The following PCNX1 variants were observed in gnomAD, a reference collection of about 807,000 sequenced individuals.
The protein encoded by PCNX1 is pecanex 1.
In PCNX1, 78 loss-of-function variants were observed where a neutral mutation model predicts 242.2. That is an observed-to-expected ratio of 0.32 (90% CI 0.27 to 0.39). The LOEUF is 0.39. Among genes scored for constraint, PCNX1 ranks in the 10% least tolerant of loss-of-function variants. PCNX1 has a pLI of 1.00. For synonymous variants in PCNX1, 1,024 were observed against 1,032.9 expected, an observed-to-expected ratio of 0.99 and a Z score of 0.17; for missense variants, 2,581 against 2,856.5, an observed-to-expected ratio of 0.90 and a Z score of 2.20.
intron 28 of PCNX1, chr14:71,085,854 T>C (rs2061975345): frequency 3.1e-6 from 1 of 321,854 alleles, no homozygotes; most frequent in Non-Finnish European, 6.2e-6. Flanking sequence ...AGGATCAGAG[T>C]AGTTATTCTG....
In PCNX1 at chr14:70,967,949, C is replaced by T. The variant is rs554702899; in HGVS notation, c.469-249C>T. Among the ~76,000 whole-genome samples, 333 of 152,204 alleles carry T rather than the reference C, an allele frequency of 2.2e-3. 1 individual carries two copies. The highest frequency in any genetic ancestry group is 7.8e-3 in the African/African-American group (323 of 41,546). The stretch of plus-strand genomic sequence containing the variant: ...GGAGGATCTGGCTCTGGGGGGGCTC[C>T]GTCAGTCCTGAGCATGCAGAGGGAT... On this transcript the variant is annotated intron_variant, in intron 3 of 35. Coordinates refer to ENST00000304743, the MANE Select transcript of PCNX1 (RefSeq NM_014982.3).
chr14:70,994,396 G>GATATATATATATGTATATATATATAT (rs2059267360), intron 7 of PCNX1, among the ~76,000 whole-genome samples: 29 of 96,970 alleles, frequency 3.0e-4, no homozygotes, highest in Non-Finnish European at 4.8e-4. Context: ...ACAGGCTTAA[G>GATATATATATATGTATATATATATAT]ATATATATAT....
chr14:70,936,961 C>T (rs2057030252), intron 1 of PCNX1, among the ~76,000 whole-genome samples: 1 of 152,046 alleles, frequency 6.6e-6, no homozygotes. Flanking sequence ...TATCCTTTGC[C>T]CACTTTTTGA....
intron 25 of PCNX1, among the ~76,000 whole-genome samples, chr14:71,057,136 C>CT (rs371840740): frequency 0.012 from 1,764 of 152,158 alleles, 12 homozygotes; most frequent in Middle Eastern, 0.024. Context: ...ACTAAATAGT[C>CT]TTTTGTTCTT....
intron 16 of PCNX1, among the ~76,000 whole-genome samples, chr14:71,030,971 A>G (rs1029339602): frequency 1.3e-5 from 2 of 152,156 alleles, no homozygotes; most frequent in Non-Finnish European, 1.5e-5. Context: ...GTTTAACAAC[A>G]TTATTAAAGA....
At chr14:70,952,495 G>A (rs976518523) in intron 2 of PCNX1, among the ~76,000 whole-genome samples, 2 of 151,832 alleles carry the variant, frequency 1.3e-5, no homozygotes, top group Non-Finnish European at 2.9e-5. Context: ...CACACTCTTC[G>A]TAGATATTCC....
chr14:71,070,079 G>A (rs2061552477), intron 26 of PCNX1, among the ~76,000 whole-genome samples: 1 of 152,242 alleles, frequency 6.6e-6, no homozygotes, highest in Non-Finnish European at 1.5e-5. Flanking sequence ...TCTTCACTTA[G>A]GAGTCAATTT....
At chr14:70,924,014 T>C (rs1466624367) in intron 1 of PCNX1, among the ~76,000 whole-genome samples, 2 of 152,124 alleles carry the variant, frequency 1.3e-5, no homozygotes, top group Non-Finnish European at 2.9e-5. Flanking sequence ...GCAGATTGCT[T>C]GAGTCCAGGA....
chr14:71,107,533 G>C (rs1326314116), intron 33 of PCNX1, among the ~76,000 whole-genome samples: 1 of 152,054 alleles, frequency 6.6e-6, no homozygotes, highest in Admixed American at 6.5e-5. Context: ...AAAAGTACAT[G>C]TAGCTATGTT....
chr14:71,039,050 C>T (rs1239228530), intron 19 of PCNX1, among the ~76,000 whole-genome samples: 4 of 151,272 alleles, frequency 2.6e-5, no homozygotes, highest in African/African-American at 7.3e-5. Context: ...GGAAGGGGAA[C>T]ATCACACTCT....
At chr14:71,082,502 G>A (rs1048688069) in intron 28 of PCNX1, among the ~76,000 whole-genome samples, 1 of 152,116 alleles carries the variant, frequency 6.6e-6, no homozygotes, top group Non-Finnish European at 1.5e-5. Flanking sequence ...TCTGTTTGTA[G>A]GTCTCTAAGG....
chr14:70,994,392 T>G (rs1244512056), intron 7 of PCNX1, among the ~76,000 whole-genome samples: 3 of 110,590 alleles, frequency 2.7e-5, no homozygotes, highest in African/African-American at 1.0e-4. Flanking sequence ...AACCACAGGC[T>G]TAAGATATAT....
At chr14:70,979,822 G>T (rs551559590) in intron 6 of PCNX1, among the ~76,000 whole-genome samples, 3 of 152,174 alleles carry the variant, frequency 2.0e-5, no homozygotes, top group South Asian at 4.1e-4. Flanking sequence ...GGAACGTAAA[G>T]AAATTTTCTA....
At chr14:71,022,852 A>G (rs2060141529) in intron 12 of PCNX1, among the ~76,000 whole-genome samples, 1 of 152,246 alleles carries the variant, frequency 6.6e-6, no homozygotes, top group Admixed American at 6.5e-5. Flanking sequence ...GAGAAATACT[A>G]TACTTGTATT....
chr14:70,992,575 A>G (rs955777512), intron 7 of PCNX1, among the ~76,000 whole-genome samples: 1 of 152,228 alleles, frequency 6.6e-6, no homozygotes, highest in African/African-American at 2.4e-5. Context: ...GAATGTGTCA[A>G]GTGCCAATTA....
At chr14:70,915,400 C>T (rs915699518) in intron 1 of PCNX1, among the ~76,000 whole-genome samples, 2 of 152,114 alleles carry the variant, frequency 1.3e-5, no homozygotes, top group Admixed American at 6.6e-5. Flanking sequence ...AAAGAAAATA[C>T]AGCCATTGGT....
At chr14:71,068,606 G>GTGTGTGTGTA (rs1358621900) in intron 26 of PCNX1, among the ~76,000 whole-genome samples, 1 of 144,432 alleles carries the variant, frequency 6.9e-6, no homozygotes, top group African/African-American at 2.6e-5. Context: ...GTGTGTGTGT[G>GTGTGTGTGTA]TGTGTGTGTG....
At chr14:70,926,054 G>A (rs2056580069) in intron 1 of PCNX1, among the ~76,000 whole-genome samples, 1 of 152,124 alleles carries the variant, frequency 6.6e-6, no homozygotes, top group Admixed American at 6.6e-5. Context: ...TCTCCATCTA[G>A]TTATATCCTT....
At chr14:70,923,408 T>A (rs896213011) in intron 1 of PCNX1, among the ~76,000 whole-genome samples, 7 of 152,134 alleles carry the variant, frequency 4.6e-5, no homozygotes, top group Non-Finnish European at 8.8e-5. Flanking sequence ...AAGATTTTTT[T>A]AAAATTCATG....
Sources: allele counts gnomAD v4.1 joint callset (sites outside exome capture counted in the v4.1 genomes callset), GRCh38; gene constraint gnomAD v4.1.1; transcripts MANE v1.5; gene names NCBI Gene and HGNC (gene_info 2026-07-23, HGNC 2026-07-21).